TBCA: variants seen among roughly 807,000 people sequenced by gnomAD.
TBCA encodes the protein tubulin folding cofactor A, also known as tubulin-specific chaperone A.
TBCA carries 6 observed loss-of-function variants against 15.8 expected under a neutral mutation model. That is an observed-to-expected ratio of 0.38 (90% confidence interval 0.21 to 0.75). The LOEUF is 0.75. TBCA is among the 30% of genes least tolerant of loss of function. The pLI, the probability that TBCA is intolerant of heterozygous loss-of-function variation, is 0.46. For missense variants in TBCA, 90 were observed against 131.2 expected, an observed-to-expected ratio of 0.69 and a Z score of 1.53; for synonymous variants, 32 against 42.3, an observed-to-expected ratio of 0.76 and a Z score of 0.94.
At chr5:77,702,817 T>C (rs1321175874) in intron 2 of TBCA, among the ~76,000 whole-genome samples, 1 of 152,210 alleles carries the variant, frequency 6.6e-6, no homozygotes, top group Non-Finnish European at 1.5e-5. Context: ...AAAGCAAGTG[T>C]ATTACCTTCT....
chr5:77,775,496 T>A (rs997204419), intron 1 of TBCA, among the ~76,000 whole-genome samples: 1 of 152,226 alleles, frequency 6.6e-6, no homozygotes, highest in African/African-American at 2.4e-5. Flanking sequence ...CAGGACCTCC[T>A]GAGGCTGTGT....
At chr5:77,701,770 T>C (rs1367174310) in intron 2 of TBCA, among the ~76,000 whole-genome samples, 1 of 144,676 alleles carries the variant, frequency 6.9e-6, no homozygotes, top group African/African-American at 2.6e-5. Flanking sequence ...GTTAATGGCA[T>C]TTGCAGCAAC....
At chr5:77,730,310 T>C (rs975151361) in intron 1 of TBCA, among the ~76,000 whole-genome samples, 1 of 152,130 alleles carries the variant, frequency 6.6e-6, no homozygotes, top group Non-Finnish European at 1.5e-5. Context: ...AAGACAGAGA[T>C]AGAGATTGGA....
intron 1 of TBCA, among the ~76,000 whole-genome samples, chr5:77,760,476 G>A (rs79434174): frequency 0.071 from 10,776 of 151,696 alleles, 534 homozygotes; most frequent in African/African-American, 0.14. Flanking sequence ...AGGCTGGACT[G>A]TACTGCCGTG....
intron 1 of TBCA, among the ~76,000 whole-genome samples, chr5:77,716,950 CAT>C (rs2112450513): frequency 6.6e-6 from 1 of 152,292 alleles, no homozygotes; most frequent in Admixed American, 6.5e-5. Context: ...GCCAAAGCTA[CAT>C]AAGAGACATC....
At chr5:77,763,575 A>T (rs142924441) in intron 1 of TBCA, among the ~76,000 whole-genome samples, 1 of 152,304 alleles carries the variant, frequency 6.6e-6, no homozygotes, top group Non-Finnish European at 1.5e-5. Flanking sequence ...TGAAATCAAG[A>T]GGGTGGAGCC....
chr5:77,759,582 T>C (rs1580133707), intron 1 of TBCA, among the ~76,000 whole-genome samples: 1 of 152,160 alleles, frequency 6.6e-6, no homozygotes, highest in East Asian at 1.9e-4. Flanking sequence ...AAATTTAAAG[T>C]AAGCATAAAA....
At chr5:77,738,674 T>C (rs1216812552) in intron 1 of TBCA, among the ~76,000 whole-genome samples, 2 of 152,198 alleles carry the variant, frequency 1.3e-5, no homozygotes, top group Admixed American at 1.3e-4. Flanking sequence ...CCTCCGCCTC[T>C]GGAGTTCAAG....
chr5:77,768,635 T>G (rs548617339), intron 1 of TBCA, among the ~76,000 whole-genome samples: 42 of 152,326 alleles, frequency 2.8e-4, no homozygotes, highest in African/African-American at 9.9e-4. Context: ...CTGAGTATAA[T>G]GTGCCAACAC....
At chr5:77,765,019 A>G (rs976040195) in intron 1 of TBCA, among the ~76,000 whole-genome samples, 20 of 152,152 alleles carry the variant, frequency 1.3e-4, no homozygotes, top group Non-Finnish European at 2.8e-4. Flanking sequence ...TTACTTAAAA[A>G]TAACAAAATC....
At chr5:77,738,571 A>G (rs557629231) in intron 1 of TBCA, among the ~76,000 whole-genome samples, 190 of 152,302 alleles carry the variant, frequency 1.2e-3, no homozygotes, top group African/African-American at 4.4e-3. Context: ...TTGAAAATAG[A>G]TTCAAGTCAT....
intron 1 of TBCA, among the ~76,000 whole-genome samples, chr5:77,722,949 AAC>A (rs1179311102): frequency 6.6e-6 from 1 of 151,724 alleles, no homozygotes; most frequent in African/African-American, 2.4e-5. Flanking sequence ...TATTAAATAA[AAC>A]AACAAGGAAC....
intron 1 of TBCA, among the ~76,000 whole-genome samples, chr5:77,751,183 G>A (rs1450982719): frequency 2.2e-5 from 1 of 45,816 alleles, no homozygotes; most frequent in South Asian, 7.5e-4. Flanking sequence ...TTTTTTTTTT[G>A]AGACACAGTT....
Position 77,760,991 on chromosome 5 carries a change from G to A in TBCA, c.53+15214C>T, listed in dbSNP as rs573083593. ...TGGGAAGTGAGGAGCGCCTCTGCCC[G>A]GCCGCCACCCCGTCTGGGAAGTGAG... On this transcript the variant is annotated intron_variant, in intron 1 of 3. Transcript: ENST00000380377. 1.4e-3 allele frequency among the ~76,000 whole-genome samples: 209 copies of A among 149,582 alleles called. 1 individual carries two copies. The highest frequency in any genetic ancestry group is 5.0e-3 in the African/African-American group (201 of 40,514).
rs577597180 is a variant in TBCA at position 77,776,304 on chromosome 5, C to A, written c.-47G>T. On this transcript the variant is annotated 5_prime_UTR_variant, in exon 1 of 4. Transcript: ENST00000380377. ...AGGAGGGGCGGAGAGCCGGGGTAACCGTGGAGGGCGACGCGCAGAGGCTGC... is the reference window on the plus strand; with the variant it reads ...AGGAGGGGCGGAGAGCCGGGGTAACAGTGGAGGGCGACGCGCAGAGGCTGC... The A allele has an allele frequency of 2.3e-5, 36 of 1,554,800 alleles. No homozygotes were observed. The highest frequency in any genetic ancestry group is 1.8e-4 in the South Asian group (15 of 84,356).
chr5:77,719,792 T>C (rs1198027385), intron 1 of TBCA, among the ~76,000 whole-genome samples: 1 of 152,164 alleles, frequency 6.6e-6, no homozygotes, highest in Non-Finnish European at 1.5e-5. Context: ...TCCTCTAACC[T>C]GTCCCTTAAA....
rs1561262538 is a variant in TBCA, at chr5:77,697,849, G to A, written c.160-4497C>T. ...TGTATGAAACAAAAAGCTGGTTTTG[G>A]CTGGGTGCCATGGCTCATGCCTGTA... On this transcript the variant is annotated intron_variant, in intron 2 of 3. Coordinates refer to ENST00000380377, the MANE Select transcript of TBCA (RefSeq NM_004607.3). 2.6e-5 allele frequency among the ~76,000 whole-genome samples: 4 copies of A among 152,036 alleles called. No individual in the cohort carries two copies. In the South Asian group the frequency reaches 8.3e-4, roughly 32 times the overall value.
At chr5:77,707,795 A>C (rs1201518030) in intron 2 of TBCA, among the ~76,000 whole-genome samples, 3 of 152,234 alleles carry the variant, frequency 2.0e-5, no homozygotes, top group African/African-American at 7.2e-5. Flanking sequence ...GATACTTAAA[A>C]TTGGAAAAGA....
At chr5:77,718,188 AAGG>A (rs1746446758) in intron 1 of TBCA, among the ~76,000 whole-genome samples, 1 of 152,220 alleles carries the variant, frequency 6.6e-6, no homozygotes, top group Admixed American at 6.5e-5. Context: ...GTGGCTACTA[AAGG>A]ATAATACTCA....
Sources: allele counts gnomAD v4.1 joint callset (sites outside exome capture counted in the v4.1 genomes callset), GRCh38; gene constraint gnomAD v4.1.1; transcripts MANE v1.5; gene names NCBI Gene and HGNC (gene_info 2026-07-23, HGNC 2026-07-21).